The following LRRD1 variants were observed in gnomAD, a reference collection of about 807,000 sequenced individuals.
LRRD1 encodes the protein leucine rich repeats and death domain containing 1.
A neutral mutation model predicts 69.5 loss-of-function variants in LRRD1; 49 were observed. That is an observed-to-expected ratio of 0.70 (90% CI 0.56 to 0.89). The LOEUF (loss-of-function observed/expected upper bound fraction) is 0.89. Among genes scored for constraint, LRRD1 ranks in the 40% least tolerant of loss-of-function variants. The pLI is 0.00. For missense variants in LRRD1, 853 were observed against 956.0 expected, an observed-to-expected ratio of 0.89 and a Z score of 1.42; for synonymous variants, 303 against 338.9, an observed-to-expected ratio of 0.89 and a Z score of 1.16.
In LRRD1 at chr7:92,164,906, ACT is replaced by A. The variant is rs1312033554; in HGVS notation, c.295_296del (p.Ser99PhefsTer16). 3 of 1,551,206 alleles carry A rather than the reference ACT, an allele frequency of 1.9e-6. No homozygotes were observed. Among genetic ancestry groups the A allele is most frequent in the African/African-American group, 1.4e-5 (1 of 72,954 alleles). On this transcript the variant is annotated frameshift_variant, in exon 2 of 6. Coordinates refer to ENST00000458448, the MANE Select transcript of LRRD1 (RefSeq NM_001161528.2). LOFTEE classifies it high-confidence loss of function. ...CAGTCCTCCCAGTTAGTGATGATAAACTCTGTGAAGTTCCTGTTCTAGTGCTT... is the reference window on the plus strand; with the variant it reads ...CAGTCCTCCCAGTTAGTGATGATAAACTGTGAAGTTCCTGTTCTAGTGCTT... ...ETSTRTGTSQ[S>X]LSSLTGRTAE...
intron 3 of LRRD1, among the ~76,000 whole-genome samples, chr7:92,152,664 T>A (rs1820501907): frequency 6.6e-6 from 1 of 151,980 alleles, no homozygotes; most frequent in Non-Finnish European, 1.5e-5. Context: ...AGATTTTAAT[T>A]TTAACTATTC....
At chr7:92,152,844 A>G (rs1820508296) in intron 3 of LRRD1, among the ~76,000 whole-genome samples, 1 of 151,536 alleles carries the variant, frequency 6.6e-6, no homozygotes, top group South Asian at 2.1e-4. Context: ...TGATTTTTGT[A>G]TTTTTAGTAG....
At chr7:92,172,651 A>G (rs1234877028) in intron 1 of LRRD1, among the ~76,000 whole-genome samples, 1 of 152,186 alleles carries the variant, frequency 6.6e-6, no homozygotes, top group Non-Finnish European at 1.5e-5. Flanking sequence ...AAAGATCTAT[A>G]TAAGGAAAAC....
intron 3 of LRRD1, among the ~76,000 whole-genome samples, chr7:92,157,039 T>C (rs1446423683): frequency 2.0e-5 from 3 of 150,496 alleles, no homozygotes; most frequent in African/African-American, 7.3e-5. Flanking sequence ...CTTTTTTTTT[T>C]TTTTTTTTTG....
Position 92,159,056 on chromosome 7 carries a change from G to T in LRRD1, c.2065C>A (p.Leu689Ile). Residue 689 changes from leucine (L) to isoleucine (I), a missense_variant, in exon 3 of 6, where the codon CTT becomes ATT. Physicochemically the swap from Leu to Ile is conservative, Grantham distance 5 (BLOSUM62 2). Around this residue, in one of 3 missense-constraint regions of LRRD1, gnomAD observed 739 missense variants for 808.0 expected, o/e 0.91. Coordinates refer to ENST00000458448, the MANE Select transcript of LRRD1 (RefSeq NM_001161528.2). Reference protein sequence around the residue: ...LHAYNNQISYLPPSLLSLNDL... With the variant: ...LHAYNNQISYIPPSLLSLNDL... ...TTTAAAGATAGCAAAGATGGTGGAAGATAACTTATTTGATTATTGTATGCA... is the reference window on the plus strand; with the variant it reads ...TTTAAAGATAGCAAAGATGGTGGAATATAACTTATTTGATTATTGTATGCA... 1 of 1,546,042 alleles carries T rather than the reference G, an allele frequency of 6.5e-7. No individual in the cohort carries two copies. The highest frequency in any genetic ancestry group is 8.7e-7 in the Non-Finnish European group (1 of 1,145,392).
intron 1 of LRRD1, among the ~76,000 whole-genome samples, chr7:92,175,442 G>C (rs557245355): frequency 3.3e-5 from 5 of 152,256 alleles, no homozygotes; most frequent in Non-Finnish European, 5.9e-5. Context: ...GAGGTCAGGA[G>C]TTTGAGACCA....
rs941700265 is a variant in LRRD1, at chr7:92,165,288, A to G, written c.-74-12T>C. On this transcript the variant is annotated splice_polypyrimidine_tract_variant and intron_variant, in intron 1 of 5. Transcript: ENST00000458448. ...TTTTTCCTTTGAATCTACAAAACAA[A>G]TGTTGAAATTAAAAGATGTAAGAGA... 2.8e-6 allele frequency: 2 copies of G among 725,122 alleles called. No individual in the cohort carries two copies. The highest frequency in any genetic ancestry group is 4.0e-6 in the Non-Finnish European group (2 of 493,900). The allele number at this position is 725,122 out of a possible 1,614,324, so 44.9% of individuals were successfully genotyped here. A position where few individuals can be genotyped will look rare whatever the true frequency, so the allele number is the denominator to read the frequency against.
intron 1 of LRRD1, among the ~76,000 whole-genome samples, chr7:92,170,844 A>G (rs764945232): frequency 2.0e-5 from 3 of 152,220 alleles, no homozygotes; most frequent in Non-Finnish European, 4.4e-5. Context: ...ACTAACATCA[A>G]GTATGTTTTC....
chr7:92,163,897 A>C lies in LRRD1; in HGVS notation c.1306T>G (p.Cys436Gly). ...NRNNMVKITD[C>G]ISHLNNICSL... ...CATATGTTATTAAGATGTGAGATAC[A>C]GTCAGTTATTTTTACCATATTATTT... Residue 436 changes from cysteine to glycine, a missense_variant, in exon 2 of 6, where the codon TGT (cysteine) becomes GGT (glycine). Physicochemically the swap from Cys to Gly is radical, Grantham distance 159. Transcript: ENST00000458448. 1 of 1,530,518 alleles carries C rather than the reference A, an allele frequency of 6.5e-7. No homozygotes were observed. The highest frequency in any genetic ancestry group is 8.8e-7 in the Non-Finnish European group (1 of 1,139,442). The allele number at this position is 1,530,518 out of a possible 1,614,324, so 94.8% of individuals were successfully genotyped here.
At chr7:92,149,904 G>A in intron 4 of LRRD1, 1 of 456,670 alleles carries the variant, frequency 2.2e-6, no homozygotes, top group South Asian at 1.6e-5. Flanking sequence ...GGAACTGACA[G>A]ATTTATGTGT....
chr7:92,159,207 T>A lies in LRRD1; in HGVS notation c.1918-4A>T. 6.8e-7 allele frequency: 1 copy of A among 1,465,980 alleles called. No individual in the cohort carries two copies. Among genetic ancestry groups the A allele is most frequent in the Non-Finnish European group, 9.0e-7 (1 of 1,106,014 alleles). 90.8% of individuals were successfully genotyped at this position (1,465,980 alleles called of 1,614,324 possible). On this transcript the variant is annotated splice_polypyrimidine_tract_variant and splice_region_variant and intron_variant, in intron 2 of 5. Coordinates refer to ENST00000458448, the MANE Select transcript of LRRD1 (RefSeq NM_001161528.2). Reference sequence around the variant, plus strand: ...GCTCTCCTGGAAGTCTTGTTAGCTGTAACAAAGATTACACAATTATACATT... The same window carrying A: ...GCTCTCCTGGAAGTCTTGTTAGCTGAAACAAAGATTACACAATTATACATT...
intron 1 of LRRD1, among the ~76,000 whole-genome samples, chr7:92,174,577 G>A (rs1299225937): frequency 2.6e-5 from 3 of 114,636 alleles, no homozygotes; most frequent in Non-Finnish European, 5.0e-5. Context: ...GCACAATCTC[G>A]GTTCACAGCA....
chr7:92,143,049 T>C (rs1333582871), downstream of LRRD1: 3 of 205,492 alleles, frequency 1.5e-5, no homozygotes, highest in Non-Finnish European at 3.0e-5. Context: ...GAGTGGTCTA[T>C]TTTGACAGGG....
intron 3 of LRRD1, among the ~76,000 whole-genome samples, chr7:92,155,612 T>G (rs918916769): frequency 4.6e-5 from 7 of 152,062 alleles, no homozygotes; most frequent in East Asian, 3.9e-4. Flanking sequence ...AGGATAGATA[T>G]ATATATATAA....
intron 2 of LRRD1, among the ~76,000 whole-genome samples, chr7:92,162,026 A>G (rs1353785447): frequency 6.6e-6 from 1 of 152,166 alleles, no homozygotes; most frequent in Non-Finnish European, 1.5e-5. Context: ...AGAGGAGAAA[A>G]TGAATGAGAT....
At chr7:92,154,371 C>T (rs1788603086) in intron 3 of LRRD1, among the ~76,000 whole-genome samples, 2 of 152,064 alleles carry the variant, frequency 1.3e-5, no homozygotes, top group African/African-American at 4.8e-5. Flanking sequence ...TCTCAAGCAG[C>T]TGGGACTACA....
At position 92,167,876 on chromosome 7, in the gene LRRD1, CAAAAAAAAAAAAA is replaced by C. The variant is rs542619786; in HGVS notation, c.-74-2613_-74-2601del. Among the ~76,000 whole-genome samples, 82 of 46,198 alleles carry C rather than the reference CAAAAAAAAAAAAA, an allele frequency of 1.8e-3. 2 individuals carry two copies. In the South Asian group the frequency reaches 0.021, roughly 12 times the overall value. 30.3% of individuals were successfully genotyped at this position (46,198 alleles called of 152,430 possible). A position where few individuals can be genotyped will look rare whatever the true frequency, so the allele number is the denominator to read the frequency against. On this transcript the variant is annotated intron_variant, in intron 1 of 5. Coordinates refer to ENST00000458448, the MANE Select transcript of LRRD1 (RefSeq NM_001161528.2). The stretch of plus-strand genomic sequence containing the variant: ...TGGGCAACACAGCGAGACTCTGTCT[CAAAAAAAAAAAAA>C]AAAAAAAAAAAAAAAAAAATAAGTT...
In LRRD1 at chr7:92,163,643, G is replaced by T. The variant is rs901960174; in HGVS notation, c.1560C>A (p.Asn520Lys). 2.0e-6 allele frequency: 3 copies of T among 1,508,654 alleles called. No homozygotes were observed. Among genetic ancestry groups the T allele is most frequent in the Non-Finnish European group, 1.8e-6 (2 of 1,131,172 alleles). 93.5% of individuals were successfully genotyped at this position (1,508,654 alleles called of 1,614,324 possible). The change falls in exon 2 of 6, where the codon AAC (asparagine) becomes AAA (lysine). Residue 520 changes from asparagine to lysine, a missense_variant. Around this residue, in one of 3 missense-constraint regions of LRRD1, gnomAD observed 739 missense variants for 808.0 expected, o/e 0.91. Coordinates refer to ENST00000458448, the MANE Select transcript of LRRD1 (RefSeq NM_001161528.2). ...KQLLHLELSE[N>K]KLLIFSEHFC... ...AGTGCTCAGAAAATATGAGGAGTTT[G>T]TTTTCACTCAATTCTAAATGAAGCA...
chr7:92,177,912 C>T (rs891231897), intron 1 of LRRD1, among the ~76,000 whole-genome samples: 2 of 152,096 alleles, frequency 1.3e-5, no homozygotes, highest in Non-Finnish European at 2.9e-5. Context: ...CCAGAATATA[C>T]ATAGTGGTTA....
Sources: allele counts gnomAD v4.1 joint callset (sites outside exome capture counted in the v4.1 genomes callset), GRCh38; gene constraint gnomAD v4.1.1; regional missense constraint gnomAD v4.1.1; transcripts MANE v1.5; gene names NCBI Gene and HGNC (gene_info 2026-07-23, HGNC 2026-07-21).